Variants in GSE1 observed in about 807,000 individuals in gnomAD.
The protein encoded by GSE1 is genetic suppressor element 1.
GSE1 carries 32 observed loss-of-function variants against 112.6 expected under a neutral mutation model. That is an observed-to-expected ratio of 0.28 (90% CI 0.21 to 0.38). The LOEUF (loss-of-function observed/expected upper bound fraction) is 0.38, where lower values mean the gene tolerates loss of function less well. Among genes scored for constraint, GSE1 ranks in the 10% least tolerant of loss-of-function variants. GSE1 has a pLI of 1.00. For synonymous variants in GSE1, 1,115 were observed against 735.6 expected (o/e 1.52, Z -8.35); for missense variants, 2,348 against 1,699.2 (o/e 1.38, Z -6.71).
rs538125364 is a variant in GSE1, at chr16:85,605,028, A to G, written c.38-43524A>G. 1.9e-3 allele frequency among the ~76,000 whole-genome samples: 281 copies of G among 149,268 alleles called. 3 individuals are homozygous for G. Among genetic ancestry groups the G allele is most frequent in the African/African-American group, 6.4e-3 (255 of 40,154 alleles). On this transcript the variant is annotated intron_variant, in intron 1 of 2. Coordinates refer to the GSE1 transcript ENST00000635906. Reference sequence around the variant, plus strand: ...GAGATGGGGTTTCACCGTGTTAGCCAGGATGGTCTCGATCTCCTGACCTTG... The same window carrying G: ...GAGATGGGGTTTCACCGTGTTAGCCGGGATGGTCTCGATCTCCTGACCTTG...
chr16:85,659,171 C>T (rs1215708124), intron 8 of GSE1, among the ~76,000 whole-genome samples: 1 of 152,166 alleles, frequency 6.6e-6, no homozygotes. Context: ...GGATTTGTCC[C>T]TTGGCCTGGA....
intron 1 of GSE1, among the ~76,000 whole-genome samples, chr16:85,191,727 G>A (rs146196720): frequency 0.014 from 2,179 of 152,268 alleles, 66 homozygotes; most frequent in African/African-American, 0.049. Flanking sequence ...AGTAGAGGCC[G>A]GAACTTATCC....
chr16:85,602,517 G>T (rs113850237), intron 1 of GSE1, among the ~76,000 whole-genome samples: 6,083 of 152,126 alleles, frequency 0.04, 397 homozygotes, highest in African/African-American at 0.14. Context: ...GACCTTGCCG[G>T]ATCCCTGCCC....
At chr16:85,642,302 C>A (rs920536945) in intron 2 of GSE1, among the ~76,000 whole-genome samples, 5 of 152,206 alleles carry the variant, frequency 3.3e-5, no homozygotes, top group Admixed American at 2.0e-4. Context: ...CAGAGAGAGA[C>A]CCTGTCTCTA....
intron 1 of GSE1, among the ~76,000 whole-genome samples, chr16:85,240,909 A>C (rs1905116733): frequency 6.6e-6 from 1 of 152,140 alleles, no homozygotes. Flanking sequence ...CCTTTCTGTA[A>C]GTCATGGAGA....
chr16:85,384,592 C>T (rs569495566), intron 2 of GSE1, among the ~76,000 whole-genome samples: 57 of 152,332 alleles, frequency 3.7e-4, no homozygotes, highest in Middle Eastern at 3.4e-3. Context: ...CTGGGCCTCA[C>T]TTTCCCTTCT....
chr16:85,546,452 AT>A (rs1370203064), intron 2 of GSE1, among the ~76,000 whole-genome samples: 9 of 152,192 alleles, frequency 5.9e-5, no homozygotes, highest in Admixed American at 5.9e-4. Context: ...GGTGCATTAT[AT>A]TAGAAGTTGT....
upstream of GSE1, among the ~76,000 whole-genome samples, chr16:85,551,239 G>C (rs1170750805): frequency 6.6e-6 from 1 of 152,234 alleles, no homozygotes; most frequent in African/African-American, 2.4e-5. Flanking sequence ...TGGGTGGAGA[G>C]AGACAGAGAC....
chr16:85,362,554 A>G (rs1202048725), intron 2 of GSE1, among the ~76,000 whole-genome samples: 1 of 152,308 alleles, frequency 6.6e-6, no homozygotes, highest in East Asian at 1.9e-4. Flanking sequence ...TGACTACTGA[A>G]TAGGCATGGT....
chr16:85,503,876 C>T lies in GSE1; in HGVS notation c.2465-130038C>T, dbSNP rs113118999. Among the ~76,000 whole-genome samples the T allele has an allele frequency of 6.6e-3, 1,005 of 152,290 alleles. 10 individuals carry two copies. Among genetic ancestry groups the T allele is most frequent in the African/African-American group, 0.023 (956 of 41,556 alleles). ...GGTAAATAACATATTATGCCAGGGA[C>T]GGAAAGCAGCCAGGCTGGGGAATTC... is the stretch of plus-strand genomic sequence containing the variant. On this transcript the variant is annotated intron_variant, in intron 2 of 2. Transcript: ENST00000637419.
Position 85,588,848 on chromosome 16 carries a change from G to A in GSE1, c.37+32485G>A, listed in dbSNP as rs1226622729. Among the ~76,000 whole-genome samples the A allele has an allele frequency of 2.0e-5, 3 of 152,116 alleles. No individual in the cohort carries two copies. In the South Asian group the frequency reaches 6.2e-4, roughly 32 times the overall value. Reference sequence around the variant, plus strand: ...CCCGAGGCCTGCTGCCTCCCAAAACGGCCCTCGGCCTCTGTACCTACTGCC... The same window carrying A: ...CCCGAGGCCTGCTGCCTCCCAAAACAGCCCTCGGCCTCTGTACCTACTGCC... On this transcript the variant is annotated intron_variant, in intron 1 of 2. Transcript: ENST00000635906.
intron 2 of GSE1, among the ~76,000 whole-genome samples, chr16:85,421,417 G>A (rs1054963484): frequency 1.3e-5 from 2 of 152,140 alleles, no homozygotes; most frequent in African/African-American, 4.8e-5. Flanking sequence ...AGCAAGCAGG[G>A]GCTCCACCGC....
chr16:85,404,706 C>T (rs1169784752), intron 2 of GSE1, among the ~76,000 whole-genome samples: 3 of 48,042 alleles, frequency 6.2e-5, no homozygotes, highest in African/African-American at 1.6e-4. Flanking sequence ...CCCGGATAAT[C>T]CTCACTGTTA....
chr16:85,479,358 G>A (rs2050602744), intron 2 of GSE1, among the ~76,000 whole-genome samples: 1 of 151,714 alleles, frequency 6.6e-6, no homozygotes, highest in South Asian at 2.1e-4. Flanking sequence ...TAGTAGAGAT[G>A]GGGTTTCATC....
chr16:85,643,224 C>G (rs913558885), intron 2 of GSE1, among the ~76,000 whole-genome samples: 3 of 152,222 alleles, frequency 2.0e-5, no homozygotes, highest in Non-Finnish European at 2.9e-5. Context: ...AATCCAGATC[C>G]GTTTCATTGA....
At chr16:85,238,025 G>T (rs918512939) in intron 1 of GSE1, among the ~76,000 whole-genome samples, 2 of 152,324 alleles carry the variant, frequency 1.3e-5, no homozygotes, top group African/African-American at 4.8e-5. Flanking sequence ...GAAGAATGCA[G>T]AGGGCTTGGC....
intron 3 of GSE1, among the ~76,000 whole-genome samples, chr16:85,650,070 C>T (rs958593907): frequency 2.0e-5 from 3 of 152,174 alleles, no homozygotes; most frequent in African/African-American, 4.8e-5. Context: ...CCTCACCTTG[C>T]TGGACCTCCT....
chr16:85,328,945 T>A (rs2046282755), intron 1 of GSE1, among the ~76,000 whole-genome samples: 1 of 152,004 alleles, frequency 6.6e-6, no homozygotes, highest in Admixed American at 6.6e-5. Context: ...GCCTGCAGGG[T>A]GGCTGATGCC....
chr16:85,672,265 G>A, intron 15 of GSE1, 140 bp from the exon 16 acceptor site: 1 of 656,812 alleles, frequency 1.5e-6, no homozygotes, highest in Non-Finnish European at 2.8e-6. Flanking sequence ...AAAGTGCTGG[G>A]ATTACAGGCG....
Sources: gnomAD v4.1 joint callset for allele counts (sites outside exome capture counted in the v4.1 genomes callset) on GRCh38, gnomAD v4.1.1 for gene constraint, MANE v1.5 for transcripts, NCBI Gene and HGNC (gene_info 2026-07-23, HGNC 2026-07-21) for gene names.